Variants in FCRL4 observed in about 807,000 individuals in gnomAD.
The protein encoded by FCRL4 is Fc receptor like 4, also known as Fc receptor-like protein 4.
A neutral mutation model predicts 64.1 loss-of-function variants in FCRL4; 43 were observed. The observed-to-expected ratio is 0.67, with a 90% CI of 0.53 to 0.87. The LOEUF is 0.87. FCRL4 is among the 40% of genes least tolerant of loss of function. The pLI is 0.00. For missense variants in FCRL4, 656 were observed against 613.5 expected (o/e 1.07, Z -0.73); for synonymous variants, 253 against 239.8 (o/e 1.05, Z -0.51).
At chr1:157,575,762 G>C in intron 10 of FCRL4, 32 bp from the exon 11 acceptor site, 1 of 1,609,910 alleles carries the variant, frequency 6.2e-7, no homozygotes, top group Admixed American at 1.7e-5. Flanking sequence ...CTGGACTATG[G>C]GCATAATGAT....
rs139824711 is a variant in FCRL4 at position 157,596,985 on chromosome 1, A to G, written c.32-637T>C. On this transcript the variant is annotated intron_variant, in intron 1 of 11. Transcript: ENST00000271532. ...CATTTATACATGGGGTGCCCTTAGAAAAGTGGGATGTAGCCAGGGCTTAGC... is the reference window on the plus strand; with the variant it reads ...CATTTATACATGGGGTGCCCTTAGAGAAGTGGGATGTAGCCAGGGCTTAGC... Among the ~76,000 whole-genome samples, 788 of 152,348 alleles carry G rather than the reference A, an allele frequency of 5.2e-3. 3 individuals are homozygous for G. The highest frequency in any genetic ancestry group is 6.5e-3 in the Non-Finnish European group (444 of 68,032).
rs576312621 is a variant in FCRL4 at position 157,585,480 on chromosome 1, A to G, written c.1135+688T>C. ...TGAGATTGAGGAGGAATTGAAGCCC[A>G]GTAAAGACCACTTCCTTAGTGCCAA... On this transcript the variant is annotated intron_variant, in intron 6 of 11. Coordinates refer to ENST00000271532, the MANE Select transcript of FCRL4 (RefSeq NM_031282.3). Among the ~76,000 whole-genome samples the G allele has an allele frequency of 7.3e-5, 11 of 151,670 alleles. No homozygotes were observed. The South Asian group carries it at 2.3e-3, about 32-fold the overall frequency.
intron 10 of FCRL4, among the ~76,000 whole-genome samples, chr1:157,576,674 A>G (rs1454101977): frequency 6.6e-6 from 1 of 152,222 alleles, no homozygotes; most frequent in East Asian, 1.9e-4. Context: ...ATAAGATAAG[A>G]TGTACTCAAT....
chr1:157,590,536 T>C (rs1192956363), intron 2 of FCRL4, among the ~76,000 whole-genome samples: 8 of 147,018 alleles, frequency 5.4e-5, no homozygotes, highest in Admixed American at 5.4e-4. Context: ...TTTTTTTTTT[T>C]AGACAGAGTC....
Position 157,596,362 on chromosome 1 carries a change from A to G in FCRL4, c.32-14T>C. 6.2e-7 allele frequency: 1 copy of G among 1,613,974 alleles called. No individual in the cohort carries two copies. Among genetic ancestry groups the G allele is most frequent in the Non-Finnish European group, 8.5e-7 (1 of 1,179,902 alleles). The stretch of plus-strand genomic sequence containing the variant: ...CACAGACTGGAGCTGAAAGAGAGTA[A>G]AGAGCCAGCCATCAGCGTAGGCGAA... On this transcript the variant is annotated splice_polypyrimidine_tract_variant and intron_variant, in intron 1 of 11. Coordinates refer to ENST00000271532, the MANE Select transcript of FCRL4 (RefSeq NM_031282.3).
intron 6 of FCRL4, among the ~76,000 whole-genome samples, chr1:157,585,407 T>TTTC (rs1652667737): frequency 7.3e-6 from 1 of 137,204 alleles, no homozygotes; most frequent in African/African-American, 2.9e-5. Flanking sequence ...TCTTTCTTTC[T>TTTC]TTCTTTCTTT....
At position 157,575,594 on chromosome 1, in the gene FCRL4, T is replaced by A. The variant is rs3811028; in HGVS notation, c.1478A>T (p.Tyr493Phe). 6.2e-7 allele frequency: 1 copy of A among 1,613,250 alleles called. No homozygotes were observed. The highest frequency in any genetic ancestry group is 1.1e-5 in the South Asian group (1 of 91,066). Reference protein sequence around the residue: ...LLEDKDVSVVYSEVKTQHPDN... With the variant: ...LLEDKDVSVVFSEVKTQHPDN... ...TGGGTGTTGTGTCTTTACCTCAGAGTAGACAACTGAGACATCCTGAAATGG... is the reference window on the plus strand; with the variant it reads ...TGGGTGTTGTGTCTTTACCTCAGAGAAGACAACTGAGACATCCTGAAATGG... Residue 493 changes from tyrosine (Y) to phenylalanine (F), a missense_variant, in exon 12 of 12, where the codon TAC (tyrosine) becomes TTC (phenylalanine). Transcript: ENST00000271532.
In FCRL4 at chr1:157,586,330, G is replaced by C. The variant is rs150720118; in HGVS notation, c.973C>G (p.Arg325Gly). 6.2e-7 allele frequency: 1 copy of C among 1,613,732 alleles called. No individual in the cohort carries two copies. The highest frequency in any genetic ancestry group is 1.3e-5 in the African/African-American group (1 of 75,004). ...GTGDTTFSWH[R>G]EDMQESLGRK... is the part of the protein sequence containing the mutation. ...CCCAGACTCTCCTGCATGTCCTCTCGGTGCCAGGAGAATGTGGTATCCCCT... is the reference window on the plus strand; with the variant it reads ...CCCAGACTCTCCTGCATGTCCTCTCCGTGCCAGGAGAATGTGGTATCCCCT... The change falls in exon 6 of 12, where the codon CGA becomes GGA. Residue 325 changes from arginine (R) to glycine (G), a missense_variant. Coordinates refer to ENST00000271532, the MANE Select transcript of FCRL4 (RefSeq NM_031282.3).
intron 8 of FCRL4, 88 bp from the exon 9 acceptor site, chr1:157,578,940 G>C: frequency 9.2e-7 from 1 of 1,088,594 alleles, no homozygotes; most frequent in Non-Finnish European, 1.3e-6. Context: ...AGAGGAGAAA[G>C]AGGATTTGGA....
At position 157,588,069 on chromosome 1, in the gene FCRL4, C is replaced by A; in HGVS notation, c.358G>T (p.Val120Phe). ...PYSVFEGDTL[V>F]LRCHRRRKEK... ...TTCCTTCTTCTGTGGCATCTCAGAA[C>A]CAATGTGTCACCTTCAAACACAGAA... is the stretch of plus-strand genomic sequence containing the variant. The change falls in exon 4 of 12, where the codon GTT becomes TTT. Residue 120 changes from valine (V) to phenylalanine (F), a missense_variant. By Grantham distance (50) the Val-to-Phe change is conservative. Coordinates refer to ENST00000271532, the MANE Select transcript of FCRL4 (RefSeq NM_031282.3). The A allele has an allele frequency of 6.2e-7, 1 of 1,613,802 alleles. No individual in the cohort carries two copies. Among genetic ancestry groups the A allele is most frequent in the Non-Finnish European group, 8.5e-7 (1 of 1,179,890 alleles).
At chr1:157,593,981 AT>A (rs1431612911) in intron 2 of FCRL4, among the ~76,000 whole-genome samples, 1 of 152,240 alleles carries the variant, frequency 6.6e-6, no homozygotes, top group Non-Finnish European at 1.5e-5. Context: ...ATGAAAATTG[AT>A]TGCTATTTTA....
At chr1:157,576,068 C>A (rs1652405608) in intron 10 of FCRL4, among the ~76,000 whole-genome samples, 1 of 152,086 alleles carries the variant, frequency 6.6e-6, no homozygotes, top group Non-Finnish European at 1.5e-5. Flanking sequence ...GTCATCTCAC[C>A]ACCCCCGATT....
At chr1:157,593,684 A>G (rs1652889471) in intron 2 of FCRL4, among the ~76,000 whole-genome samples, 1 of 152,156 alleles carries the variant, frequency 6.6e-6, no homozygotes, top group Non-Finnish European at 1.5e-5. Flanking sequence ...AATAATACCT[A>G]CTTTCTCTAC....
Position 157,586,191 on chromosome 1 carries a change from A to G in FCRL4, c.1112T>C (p.Met371Thr), listed in dbSNP as rs1652687404. The G allele has an allele frequency of 2.5e-6, 4 of 1,611,806 alleles. No individual in the cohort carries two copies. Among genetic ancestry groups the G allele is most frequent in the Non-Finnish European group, 3.4e-6 (4 of 1,178,176 alleles). Reference sequence around the variant, plus strand: ...ACCTCTCACAGTGACATTCAGCACCATGCTCTGGACAGGGCCGTAGCTGTT... The same window carrying G: ...ACCTCTCACAGTGACATTCAGCACCGTGCTCTGGACAGGGCCGTAGCTGTT... ...ADNSYGPVQS[M>T]VLNVTVRETP... The change falls in exon 6 of 12, where the codon ATG (methionine) becomes ACG (threonine). Residue 371 changes from methionine (M) to threonine (T), a missense_variant. Coordinates refer to ENST00000271532, the MANE Select transcript of FCRL4 (RefSeq NM_031282.3).
At chr1:157,577,128 T>C (rs1652434498) in intron 10 of FCRL4, among the ~76,000 whole-genome samples, 1 of 152,144 alleles carries the variant, frequency 6.6e-6, no homozygotes, top group Non-Finnish European at 1.5e-5. Flanking sequence ...AGCGATGTCT[T>C]TAGAAAGATG....
Position 157,586,276 on chromosome 1 carries a change from C to G in FCRL4, c.1027G>C (p.Glu343Gln). The change falls in exon 6 of 12, where the codon GAG (glutamate) becomes CAG (glutamine). Residue 343 changes from glutamate to glutamine, a missense_variant. Glu to Gln is a conservative substitution (Grantham distance 29, BLOSUM62 2). Transcript: ENST00000271532. The stretch of plus-strand genomic sequence containing the variant: ...TGTCTGATGGCAGGGAGCTCCAGCT[C>G]TGCTCTCAGGGAACGCTGAGTTTTC... ...GRKTQRSLRA[E>Q]LELPAIRQSH... 1 of 1,614,110 alleles carries G rather than the reference C, an allele frequency of 6.2e-7. No individual in the cohort carries two copies. The highest frequency in any genetic ancestry group is 8.5e-7 in the Non-Finnish European group (1 of 1,180,012).
At chr1:157,589,827 C>A (rs1160237261) in intron 2 of FCRL4, among the ~76,000 whole-genome samples, 1 of 152,152 alleles carries the variant, frequency 6.6e-6, no homozygotes. Context: ...ACAGAGACCT[C>A]TCTAAGATGA....
At chr1:157,578,901 G>A (rs771435463) in intron 8 of FCRL4, 49 bp from the exon 9 acceptor site, 15 of 1,457,734 alleles carry the variant, frequency 1.0e-5, no homozygotes, top group Middle Eastern at 2.3e-4. Context: ...TGTAACATGC[G>A]GGAGAGTGAG....
intron 3 of FCRL4, 55 bp from the exon 4 acceptor site, chr1:157,588,174 C>A: frequency 6.5e-7 from 1 of 1,534,436 alleles, no homozygotes; most frequent in Non-Finnish European, 8.7e-7. Flanking sequence ...CTATCTCCTT[C>A]TTCTCTTGAA....
Sources: allele counts gnomAD v4.1 joint callset (sites outside exome capture counted in the v4.1 genomes callset), GRCh38; gene constraint gnomAD v4.1.1; transcripts MANE v1.5; gene names NCBI Gene and HGNC (gene_info 2026-07-23, HGNC 2026-07-21).